KIAA0586: variants seen among roughly 807,000 people sequenced by gnomAD.
KIAA0586 encodes protein TALPID3.
A neutral mutation model predicts 169.8 loss-of-function variants in KIAA0586; 144 were observed. That is an observed-to-expected ratio of 0.85 (90% CI 0.74 to 0.97). The LOEUF (loss-of-function observed/expected upper bound fraction) is 0.97, where lower values mean the gene tolerates loss of function less well. Ranked by LOEUF, KIAA0586 falls within the 50% of genes least tolerant of loss-of-function variation. The pLI is 0.00. For missense variants in KIAA0586, 1,854 were observed against 1,823.0 expected, an observed-to-expected ratio of 1.02 and a Z score of -0.31; for synonymous variants, 625 against 612.4, an observed-to-expected ratio of 1.02 and a Z score of -0.30.
At chr14:58,441,908 A>G (rs2038412203) in intron 4 of KIAA0586, 2 of 152,202 alleles carry the variant, frequency 1.3e-5, no homozygotes, top group African/African-American at 4.8e-5. Flanking sequence ...TGCTAGCGTT[A>G]TAGGCCTGAG....
Position 58,444,097 on chromosome 14 carries a change from C to T in KIAA0586, c.729C>T (p.His243=), listed in dbSNP as rs774888789. Residue 243 remains histidine, a synonymous_variant, in exon 6 of 31, where the codon CAC becomes CAT. Transcript: ENST00000652326. ...AAGAGAAATTACATTGTCATGATCA[C>T]GAAAAGCAAATGAATGTGTTTATGG... ...RKQEKLHCHD[H]EKQMNVFMEQ... 24 of 1,613,414 alleles carry T rather than the reference C, an allele frequency of 1.5e-5. No individual in the cohort carries two copies. The highest frequency in any genetic ancestry group is 2.2e-5 in the East Asian group (1 of 44,840).
intron 19 of KIAA0586, among the ~76,000 whole-genome samples, chr14:58,475,565 A>T (rs1293379769): frequency 6.6e-6 from 1 of 152,196 alleles, no homozygotes; most frequent in Non-Finnish European, 1.5e-5. Context: ...TTATTGTTAC[A>T]TATTACAATA....
intron 5 of KIAA0586, among the ~76,000 whole-genome samples, chr14:58,443,359 T>G (rs1595112602): frequency 6.6e-6 from 1 of 152,378 alleles, no homozygotes; most frequent in East Asian, 1.9e-4. Context: ...AAAGCTACTT[T>G]GCTTTGCTGT....
chr14:58,428,238 T>G lies in KIAA0586; in HGVS notation c.-27T>G, dbSNP rs574482294. The G allele has an allele frequency of 6.2e-7, 1 of 1,607,986 alleles. No homozygotes were observed. Among genetic ancestry groups the G allele is most frequent in the East Asian group, 2.2e-5 (1 of 44,820 alleles). ...CAGAGAAAGTTTTTCCGTCCTTAAG[T>G]GTGGGACTTGTTTTGTGACCAACAA... On this transcript the variant is annotated 5_prime_UTR_variant, in exon 1 of 31. Coordinates refer to ENST00000652326, the MANE Select transcript of KIAA0586 (RefSeq NM_001329943.3).
At chr14:58,448,280 T>A in intron 6 of KIAA0586, 60 bp from the exon 7 acceptor site, 1 of 1,087,506 alleles carries the variant, frequency 9.2e-7, no homozygotes, top group Non-Finnish European at 1.3e-6. Context: ...TCAATGTATT[T>A]TATCATCTAA....
At chr14:58,471,116 T>C (rs1743714) in intron 17 of KIAA0586, among the ~76,000 whole-genome samples, 27,798 of 152,152 alleles carry the variant, frequency 0.18, 3,307 homozygotes, top group East Asian at 0.48. Flanking sequence ...CCTCCCAAGT[T>C]CGGGAATTAC....
intron 4 of KIAA0586, chr14:58,440,108 C>T (rs889463849): frequency 4.2e-5 from 16 of 381,034 alleles, no homozygotes; most frequent in African/African-American, 3.2e-4. Flanking sequence ...GTCTTGAACT[C>T]CTGGGCTCAA....
At chr14:58,445,526 C>A (rs1394818068) in intron 6 of KIAA0586, among the ~76,000 whole-genome samples, 1 of 151,492 alleles carries the variant, frequency 6.6e-6, no homozygotes, top group Non-Finnish European at 1.5e-5. Context: ...CTCCACCTCC[C>A]AGATTCAAGT....
intron 26 of KIAA0586, among the ~76,000 whole-genome samples, chr14:58,493,451 T>A (rs2042952044): frequency 6.6e-6 from 1 of 152,200 alleles, no homozygotes; most frequent in Non-Finnish European, 1.5e-5. Flanking sequence ...CTAGGATTCT[T>A]GATCTATAGT....
chr14:58,512,361 C>A (rs2044451069), intron 28 of KIAA0586, among the ~76,000 whole-genome samples, 161 bp from the exon 29 acceptor site: 2 of 151,494 alleles, frequency 1.3e-5, no homozygotes, highest in South Asian at 2.1e-4. Context: ...TACCTCATCA[C>A]CTATTTATTG....
intron 29 of KIAA0586, among the ~76,000 whole-genome samples, chr14:58,524,765 A>G (rs1346256528): frequency 6.6e-6 from 1 of 152,210 alleles, no homozygotes. Flanking sequence ...ATATATTAAG[A>G]GCTATTAAAG....
At chr14:58,551,528 G>A (rs111729977), downstream of KIAA0586, among the ~76,000 whole-genome samples, 191 of 152,214 alleles carry the variant, frequency 1.3e-3, 1 homozygote, top group Middle Eastern at 6.8e-3. Context: ...TTGGGAGGCC[G>A]AGGCAGGTGG....
chr14:58,525,562 C>T (rs1260267042), intron 29 of KIAA0586, among the ~76,000 whole-genome samples: 1 of 152,212 alleles, frequency 6.6e-6, no homozygotes, highest in Non-Finnish European at 1.5e-5. Flanking sequence ...TCTTTGCAAC[C>T]TGCAGACCAG....
At chr14:58,427,565 C>T, upstream of KIAA0586, 1 of 1,530,484 alleles carries the variant, frequency 6.5e-7, no homozygotes, top group Non-Finnish European at 8.8e-7. Flanking sequence ...CTGTTATGTC[C>T]GGAGTTTGTT....
intron 21 of KIAA0586, among the ~76,000 whole-genome samples, chr14:58,486,142 C>G (rs907840294): frequency 2.6e-5 from 4 of 152,148 alleles, no homozygotes; most frequent in Non-Finnish European, 5.9e-5. Flanking sequence ...CTGTTTTTCT[C>G]ATGTTTATGT....
rs562109482 is a variant in KIAA0586, at chr14:58,457,820, A to T, written c.1424A>T (p.Gln475Leu). Residue 475 changes from glutamine (Q) to leucine (L), a missense_variant, in exon 11 of 31, where the codon CAA becomes CTA. Physicochemically the swap from Gln to Leu is moderately radical, Grantham distance 113 (BLOSUM62 -2). Coordinates refer to ENST00000652326, the MANE Select transcript of KIAA0586 (RefSeq NM_001329943.3). ...PDLPQNSVKLQTTNTTRSVLK... is the reference protein window; with the variant it reads ...PDLPQNSVKLLTTNTTRSVLK... ...CTTCCACAGAATTCTGTTAAGCTTC[A>T]AACAACCAATACAACAAGATCTGTA... The T allele has an allele frequency of 4.2e-5, 67 of 1,608,464 alleles. No homozygotes were observed. The South Asian group carries it at 7.0e-4, about 17-fold the overall frequency.
In KIAA0586 at chr14:58,542,476, C is replaced by CA. The variant is rs112176592; in HGVS notation, c.4495+2354dup. On this transcript the variant is annotated intron_variant, in intron 30 of 30. Transcript: ENST00000652326. ...TGGGTGACAGAGCGATACTCCGTCT[C>CA]AAAAAAAAAAAAAATTCCCAAAATA... Among the ~76,000 whole-genome samples the CA allele has an allele frequency of 6.1e-3, 797 of 129,844 alleles. 5 individuals carry two copies. The highest frequency in any genetic ancestry group is 0.015 in the African/African-American group (541 of 35,208). 85.2% of individuals were successfully genotyped at this position (129,844 alleles called of 152,430 possible).
At chr14:58,472,647 A>C (rs1192726764) in intron 18 of KIAA0586, among the ~76,000 whole-genome samples, 3 of 151,814 alleles carry the variant, frequency 2.0e-5, no homozygotes, top group Non-Finnish European at 4.4e-5. Context: ...GATATTGAGA[A>C]AAAAGTTGTG....
At chr14:58,474,582 A>G (rs375949395) in intron 18 of KIAA0586, 25 bp from the exon 19 acceptor site, 16 of 1,495,474 alleles carry the variant, frequency 1.1e-5, no homozygotes, top group African/African-American at 1.4e-5. Context: ...CATGAATATA[A>G]TAGTTTTGTT....
Sources: allele counts gnomAD v4.1 joint callset (sites outside exome capture counted in the v4.1 genomes callset), GRCh38; gene constraint gnomAD v4.1.1; transcripts MANE v1.5; gene names NCBI Gene and HGNC (gene_info 2026-07-23, HGNC 2026-07-21).